The following SLC25A21 variants were observed in gnomAD, a reference collection of about 807,000 sequenced individuals.
SLC25A21 encodes the protein solute carrier family 25 member 21.
Under a neutral mutation model 43.8 loss-of-function variants are expected in SLC25A21, and 47 were observed. The observed-to-expected ratio is 1.07, with a 90% CI of 0.85 to 1.37. The LOEUF (loss-of-function observed/expected upper bound fraction) is 1.37, where lower values mean the gene tolerates loss of function less well. SLC25A21 is among the 40% of genes most tolerant of loss of function. SLC25A21 has a pLI of 0.00. For synonymous variants in SLC25A21, 131 were observed against 121.3 expected, an observed-to-expected ratio of 1.08 and a Z score of -0.52; for missense variants, 352 against 350.2, an observed-to-expected ratio of 1.00 and a Z score of -0.04.
intron 1 of SLC25A21, among the ~76,000 whole-genome samples, chr14:37,079,253 T>C (rs1594782985): frequency 6.6e-6 from 1 of 152,264 alleles, no homozygotes; most frequent in Middle Eastern, 3.4e-3. Context: ...AACTGCCTAG[T>C]GAAGAACAGC....
intron 3 of SLC25A21, among the ~76,000 whole-genome samples, chr14:36,781,329 TAAAGTAATTATTG>T (rs2138378987): frequency 6.6e-6 from 1 of 152,302 alleles, no homozygotes; most frequent in East Asian, 1.9e-4. Flanking sequence ...CATTTACATT[TAAAGTAATTATTG>T]ATAGGAAAGA....
At chr14:36,908,659 CT>C (rs1403146626) in intron 1 of SLC25A21, among the ~76,000 whole-genome samples, 1 of 152,064 alleles carries the variant, frequency 6.6e-6, no homozygotes, top group African/African-American at 2.4e-5. Context: ...TTTCTATTTA[CT>C]TTTAATAAAT....
chr14:36,770,085 C>T (rs1044134339), intron 3 of SLC25A21, among the ~76,000 whole-genome samples: 1 of 152,160 alleles, frequency 6.6e-6, no homozygotes, highest in African/African-American at 2.4e-5. Context: ...GCCTTGCTCG[C>T]ACTATTCACA....
intron 1 of SLC25A21, among the ~76,000 whole-genome samples, chr14:37,079,013 T>C (rs1014892230): frequency 4.6e-5 from 7 of 152,216 alleles, no homozygotes; most frequent in African/African-American, 1.7e-4. Context: ...AGCATTTCTC[T>C]TTTCCTTAAA....
intron 5 of SLC25A21, 145 bp from the exon 6 acceptor site, chr14:36,725,822 C>A: frequency 5.9e-6 from 2 of 337,594 alleles, no homozygotes. Flanking sequence ...TACTAAACAG[C>A]TTTAGTTCTT....
chr14:37,017,717 T>C (rs990136132), intron 1 of SLC25A21, among the ~76,000 whole-genome samples: 1 of 151,916 alleles, frequency 6.6e-6, no homozygotes, highest in African/African-American at 2.4e-5. Flanking sequence ...TAAAATCACT[T>C]ATTATTATTA....
At chr14:37,029,263 T>C (rs1203031096) in intron 1 of SLC25A21, among the ~76,000 whole-genome samples, 1 of 152,186 alleles carries the variant, frequency 6.6e-6, no homozygotes, top group Non-Finnish European at 1.5e-5. Flanking sequence ...TGCTACTAAC[T>C]GAGATCTTCA....
At chr14:36,811,057 T>C (rs1296642161) in intron 3 of SLC25A21, among the ~76,000 whole-genome samples, 4 of 144,362 alleles carry the variant, frequency 2.8e-5, no homozygotes, top group Non-Finnish European at 6.1e-5. Flanking sequence ...AGGAAGAGCA[T>C]GGAAAAGCCC....
At chr14:36,704,449 G>T (rs2139175654) in intron 7 of SLC25A21, among the ~76,000 whole-genome samples, 1 of 152,256 alleles carries the variant, frequency 6.6e-6, no homozygotes, top group East Asian at 1.9e-4. Context: ...ATGAGGTCAG[G>T]AGTTCGAGAC....
intron 1 of SLC25A21, among the ~76,000 whole-genome samples, chr14:36,913,601 T>C (rs1289295886): frequency 6.6e-6 from 1 of 152,194 alleles, no homozygotes; most frequent in East Asian, 1.9e-4. Flanking sequence ...GAACGAGTTG[T>C]TTGAATAGAT....
chr14:36,703,997 AGATGTAAATG>A (rs1883390442), intron 7 of SLC25A21, among the ~76,000 whole-genome samples: 1 of 152,332 alleles, frequency 6.6e-6, no homozygotes, highest in African/African-American at 2.4e-5. Context: ...ATTTACTACA[AGATGTAAATG>A]AATGCCTCCA....
intron 1 of SLC25A21, among the ~76,000 whole-genome samples, chr14:37,033,815 A>G (rs987368232): frequency 6.6e-6 from 1 of 152,224 alleles, no homozygotes; most frequent in South Asian, 2.1e-4. Context: ...CAGATTTTTA[A>G]TTTTTTTGAT....
At chr14:36,904,645 C>A (rs1424998367) in intron 1 of SLC25A21, among the ~76,000 whole-genome samples, 4 of 152,158 alleles carry the variant, frequency 2.6e-5, no homozygotes, top group Admixed American at 1.3e-4. Context: ...AGAAAACTTA[C>A]AATCATGGCA....
intron 3 of SLC25A21, 62 bp downstream of exon 3, chr14:36,813,856 C>T (rs557695551): frequency 5.1e-4 from 621 of 1,226,126 alleles, no homozygotes; most frequent in Non-Finnish European, 6.1e-4. Context: ...ATAAACCATT[C>T]GAAATGAGAA....
intron 7 of SLC25A21, among the ~76,000 whole-genome samples, chr14:36,709,633 A>G (rs1883744786): frequency 6.6e-6 from 1 of 152,186 alleles, no homozygotes; most frequent in Non-Finnish European, 1.5e-5. Flanking sequence ...CTGGTTAACA[A>G]CTTTGGTTAG....
chr14:36,707,257 A>G (rs1883612662), intron 7 of SLC25A21, among the ~76,000 whole-genome samples: 1 of 152,078 alleles, frequency 6.6e-6, no homozygotes, highest in Non-Finnish European at 1.5e-5. Context: ...ATACTGGGGG[A>G]ATTTCTCCTT....
intron 3 of SLC25A21, among the ~76,000 whole-genome samples, chr14:36,780,802 T>C (rs189217455): frequency 2.1e-4 from 32 of 152,232 alleles, no homozygotes; most frequent in African/African-American, 7.7e-4. Context: ...ATTTTGCTGC[T>C]GTTTGATAGA....
chr14:36,922,619 T>G (rs10146438), intron 1 of SLC25A21, among the ~76,000 whole-genome samples: 1 of 151,378 alleles, frequency 6.6e-6, no homozygotes, highest in South Asian at 2.1e-4. Flanking sequence ...TATGAGGGAG[T>G]TGGAGCTAAA....
At chr14:36,897,063 T>G (rs978034538) in intron 1 of SLC25A21, among the ~76,000 whole-genome samples, 1 of 152,206 alleles carries the variant, frequency 6.6e-6, no homozygotes, top group Non-Finnish European at 1.5e-5. Context: ...TTCTCTGTAT[T>G]TCCTGAATTA....
Sources: gnomAD v4.1 joint callset for allele counts (sites outside exome capture counted in the v4.1 genomes callset) on GRCh38, gnomAD v4.1.1 for gene constraint, MANE v1.5 for transcripts, NCBI Gene and HGNC (gene_info 2026-07-23, HGNC 2026-07-21) for gene names.